SPG11: variants seen among roughly 807,000 people sequenced by gnomAD.
SPG11 encodes the protein spatacsin.
A neutral mutation model predicts 274.0 loss-of-function variants in SPG11; 222 were observed. The observed-to-expected ratio is 0.81, with a 90% CI of 0.73 to 0.91. The LOEUF is 0.91. Among genes scored for constraint, SPG11 ranks in the 40% least tolerant of loss-of-function variants. SPG11 has a pLI of 0.00. For synonymous variants in SPG11, 1,144 were observed against 1,039.7 expected (o/e 1.10, Z -1.93); for missense variants, 3,114 against 2,872.7 (o/e 1.08, Z -1.92).
intron 17 of SPG11, 105 bp from the exon 18 acceptor site, chr15:44,611,090 G>GAAAAAAAAAA (rs2083448082): frequency 4.1e-5 from 1 of 24,582 alleles, no homozygotes; most frequent in African/African-American, 2.1e-4. Context: ...TCTATCCCCA[G>GAAAAAAAAAA]TAAAAAAAAA....
chr15:44,603,667 T>G (rs1595869831), intron 20 of SPG11, among the ~76,000 whole-genome samples: 1 of 152,214 alleles, frequency 6.6e-6, no homozygotes, highest in Admixed American at 6.5e-5. Context: ...CCATGGGGGA[T>G]TGGTTCCTGA....
chr15:44,596,970 G>A (rs771977068), intron 23 of SPG11, 27 bp from the exon 24 acceptor site: 9 of 1,611,762 alleles, frequency 5.6e-6, no homozygotes, highest in African/African-American at 4.0e-5. Context: ...AGGTGGGGGT[G>A]GTCAAGAAAA....
chr15:44,613,568 A>T, intron 16 of SPG11, 32 bp from the exon 17 acceptor site: 1 of 1,363,604 alleles, frequency 7.3e-7, no homozygotes, highest in Non-Finnish European at 1.0e-6. Flanking sequence ...ACCTTCTTTG[A>T]TTAACATACA....
In SPG11 at chr15:44,593,607, T is replaced by C. The variant is rs117623001; in HGVS notation, c.4636-1169A>G. ...TGTCAGTGGGAGTCGCTCAGTCAGA[T>C]AATAGGAGTTCTGAATTAGAAAGTA... On this transcript the variant is annotated intron_variant, in intron 26 of 39. Coordinates refer to ENST00000261866, the MANE Select transcript of SPG11 (RefSeq NM_025137.4). 2.0e-4 allele frequency among the ~76,000 whole-genome samples: 31 copies of C among 152,340 alleles called. 1 individual carries two copies. The East Asian group carries it at 5.6e-3, about 27-fold the overall frequency.
rs776839906 is a variant in SPG11, at chr15:44,659,285, A to G, written c.461T>C (p.Leu154Ser). The change falls in exon 3 of 40, where the codon TTG becomes TCG. Residue 154 changes from leucine to serine, a missense_variant. Physicochemically the swap from Leu to Ser is moderately radical, Grantham distance 145. Transcript: ENST00000261866. ...DQDISISLLS[L>S]RILSFHNNTS... ...GTTATTGTGAAATGACAGGATTCTC[A>G]AAGACAATAAGGAAATACCTACAAA... The G allele has an allele frequency of 1.2e-6, 2 of 1,613,718 alleles. No homozygotes were observed. Among genetic ancestry groups the G allele is most frequent in the South Asian group, 2.2e-5 (2 of 91,074 alleles).
intron 15 of SPG11, among the ~76,000 whole-genome samples, chr15:44,616,745 T>G (rs1450267225): frequency 6.6e-6 from 1 of 152,184 alleles, no homozygotes; most frequent in Non-Finnish European, 1.5e-5. Flanking sequence ...TTGAGAAAAT[T>G]TAGCCATACT....
intron 20 of SPG11, among the ~76,000 whole-genome samples, chr15:44,602,045 C>G (rs552395290): frequency 6.6e-6 from 1 of 152,156 alleles, no homozygotes; most frequent in African/African-American, 2.4e-5. Flanking sequence ...TATAGAAACA[C>G]TGATTTTTGT....
At chr15:44,650,578 A>G (rs1487940256) in intron 6 of SPG11, among the ~76,000 whole-genome samples, 1 of 150,996 alleles carries the variant, frequency 6.6e-6, no homozygotes, top group Non-Finnish European at 1.5e-5. Flanking sequence ...GTGAGCCAAG[A>G]TCGCACCACT....
At chr15:44,575,480 G>A (rs916632795) in intron 30 of SPG11, among the ~76,000 whole-genome samples, 22 of 151,194 alleles carry the variant, frequency 1.5e-4, no homozygotes, top group African/African-American at 2.9e-4. Flanking sequence ...ACCCCCAGTC[G>A]GTCTCCAACA....
chr15:44,622,288 G>A lies in SPG11; in HGVS notation c.2376C>T (p.Phe792=), dbSNP rs769270075. 3.8e-6 allele frequency: 6 copies of A among 1,591,494 alleles called. No individual in the cohort carries two copies. Among genetic ancestry groups the A allele is most frequent in the East Asian group, 4.5e-5 (2 of 44,654 alleles). The change falls in exon 13 of 40, where the codon TTC becomes TTT. Residue 792 remains phenylalanine (F), a synonymous_variant. Coordinates refer to ENST00000261866, the MANE Select transcript of SPG11 (RefSeq NM_025137.4). ...FSEKEKRTID[F]VHQVEKLYLG... ...AATAAAGCTTCTCAACTTGATGCAC[G>A]AAGTCTATAGTTCTTTTCTCTTTTT...
At position 44,624,654 on chromosome 15, in the gene SPG11, T is replaced by C. The variant is rs1264140180; in HGVS notation, c.2244+1677A>G. Reference sequence around the variant, plus strand: ...AATACATTGTATACTTGAAATCTGTTGAGAGTAGATCTCAAGTGTTCTCAC... The same window carrying C: ...AATACATTGTATACTTGAAATCTGTCGAGAGTAGATCTCAAGTGTTCTCAC... On this transcript the variant is annotated intron_variant, in intron 11 of 39. Transcript: ENST00000261866. Among the ~76,000 whole-genome samples, 3 of 152,202 alleles carry C rather than the reference T, an allele frequency of 2.0e-5. No individual in the cohort carries two copies. In the East Asian group the frequency reaches 5.8e-4, roughly 29 times the overall value.
chr15:44,657,045 T>C (rs1431529927), intron 4 of SPG11, 50 bp downstream of exon 4: 2 of 1,528,416 alleles, frequency 1.3e-6, no homozygotes, highest in African/African-American at 1.4e-5. Context: ...TTTAACCTCT[T>C]ATCAGTCTAA....
intron 19 of SPG11, among the ~76,000 whole-genome samples, chr15:44,608,213 T>A (rs2083370659): frequency 1.3e-5 from 2 of 152,198 alleles, no homozygotes; most frequent in Non-Finnish European, 2.9e-5. Flanking sequence ...GCTTCTGGGT[T>A]CTGGTAACAC....
chr15:44,639,308 G>C (rs898001876), intron 7 of SPG11, among the ~76,000 whole-genome samples: 13 of 149,090 alleles, frequency 8.7e-5, no homozygotes, highest in Admixed American at 2.0e-4. Context: ...CACACACACA[G>C]AGATGGAGAG....
At chr15:44,566,044 A>T in intron 37 of SPG11, 35 bp from the exon 38 acceptor site, 1 of 1,612,790 alleles carries the variant, frequency 6.2e-7, no homozygotes. Flanking sequence ...CAGTAGAGAA[A>T]GACCTAGTTG....
Position 44,595,312 on chromosome 15 carries a change from A to T in SPG11, c.4582T>A (p.Leu1528Ile), listed in dbSNP as rs1167697733. ...EDLSVIWRTL[L>I]TRQKSKTLIR... ...AGAGTTTTGCTCTTTTGTCTTGTTA[A>T]TAATGTTCTCCAGATGACTGAAAGA... Residue 1528 changes from leucine (L) to isoleucine (I), a missense_variant, in exon 26 of 40, where the codon TTA becomes ATA. Leu to Ile is a conservative substitution (Grantham distance 5). Coordinates refer to ENST00000261866, the MANE Select transcript of SPG11 (RefSeq NM_025137.4). The T allele has an allele frequency of 6.2e-7, 1 of 1,614,128 alleles. No homozygotes were observed. Among genetic ancestry groups the T allele is most frequent in the African/African-American group, 1.3e-5 (1 of 74,952 alleles).
At chr15:44,644,607 C>A (rs891141158) in intron 7 of SPG11, among the ~76,000 whole-genome samples, 1 of 152,072 alleles carries the variant, frequency 6.6e-6, no homozygotes, top group Non-Finnish European at 1.5e-5. Context: ...TAAAAGGCAT[C>A]CAAATAGGAA....
chr15:44,627,826 T>A (rs1302716557), intron 10 of SPG11, among the ~76,000 whole-genome samples: 1 of 152,150 alleles, frequency 6.6e-6, no homozygotes, highest in Non-Finnish European at 1.5e-5. Flanking sequence ...CCTGACCTTG[T>A]GATCTGCCTG....
At chr15:44,589,466 A>G in intron 27 of SPG11, 52 bp from the exon 28 acceptor site, 3 of 1,608,508 alleles carry the variant, frequency 1.9e-6, no homozygotes, top group Non-Finnish European at 2.6e-6. Context: ...AGAATAGCAA[A>G]TCAAAACCTC....
Sources: gnomAD v4.1 joint callset for allele counts (sites outside exome capture counted in the v4.1 genomes callset) on GRCh38, gnomAD v4.1.1 for gene constraint, MANE v1.5 for transcripts, NCBI Gene and HGNC (gene_info 2026-07-23, HGNC 2026-07-21) for gene names.